Variants in RNF139 observed in about 807,000 individuals in gnomAD.
The protein encoded by RNF139 is ring finger protein 139, also known as E3 ubiquitin-protein ligase RNF139.
Under a neutral mutation model 49.5 loss-of-function variants are expected in RNF139, and 15 were observed. The ratio of observed to expected loss-of-function variants is 0.30; its 90% confidence interval spans 0.20 to 0.47. The LOEUF is 0.47. Among genes scored for constraint, RNF139 ranks in the 20% least tolerant of loss-of-function variants. RNF139 has a pLI of 1.00. For synonymous variants in RNF139, 325 were observed against 300.9 expected, an observed-to-expected ratio of 1.08 and a Z score of -0.83; for missense variants, 619 against 806.3, an observed-to-expected ratio of 0.77 and a Z score of 2.81.
intron 1 of RNF139, among the ~76,000 whole-genome samples, chr8:124,483,040 TTTAA>T (rs1202205266): frequency 1.5e-5 from 1 of 68,020 alleles, no homozygotes; most frequent in Non-Finnish European, 2.4e-5. Context: ...TATATATATA[TTTAA>T]AAATATATCT....
chr8:124,486,736 G>C lies in RNF139; in HGVS notation c.1087G>C (p.Val363Leu), dbSNP rs772677869. 3 of 1,613,956 alleles carry C rather than the reference G, an allele frequency of 1.9e-6. No homozygotes were observed. Residue 363 changes from valine to leucine, a missense_variant, in exon 2 of 2, where the codon GTC (valine) becomes CTC (leucine). Coordinates refer to ENST00000303545, the MANE Select transcript of RNF139 (RefSeq NM_007218.4). Reference protein sequence around the residue: ...SRNMCLLLTAVLHFIHGMTDP... With the variant: ...SRNMCLLLTALLHFIHGMTDP... ...AAACATGTGCCTTTTATTAACTGCA[G>C]TCCTGCATTTTATCCATGGAATGAC...
At position 124,487,627 on chromosome 8, in the gene RNF139, AATG is replaced by A. The variant is rs779733580; in HGVS notation, c.1984_1986del (p.Asp662del). The A allele has an allele frequency of 3.1e-6, 5 of 1,605,326 alleles. No individual in the cohort carries two copies. Among genetic ancestry groups the A allele is most frequent in the South Asian group, 1.1e-5 (1 of 89,780 alleles). On this transcript the variant is annotated inframe_deletion, in exon 2 of 2. Transcript: ENST00000303545. ...CACAGGCGCAGCAGCTGAAGAATTT[AATG>A]ATGATACTGACTGATGAAAATAGCA...
At chr8:124,484,586 G>A (rs981190035) in intron 1 of RNF139, among the ~76,000 whole-genome samples, 19 of 152,304 alleles carry the variant, frequency 1.2e-4, no homozygotes, top group African/African-American at 4.6e-4. Context: ...TTTAAGGCAA[G>A]TCGAGTTTCA....
chr8:124,478,147 A>AAAAAC (rs1318701542), intron 1 of RNF139, among the ~76,000 whole-genome samples: 4 of 151,608 alleles, frequency 2.6e-5, no homozygotes, highest in African/African-American at 9.7e-5. Flanking sequence ...GTCTAAAAAA[A>AAAAAC]AAAACAAAAC....
intron 1 of RNF139, among the ~76,000 whole-genome samples, chr8:124,476,426 T>C (rs1167597015): frequency 6.6e-6 from 1 of 152,232 alleles, no homozygotes; most frequent in Non-Finnish European, 1.5e-5. Context: ...AGTGTTTTGC[T>C]CTTGGTAGGC....
chr8:124,482,043 T>C (rs571284835), intron 1 of RNF139, among the ~76,000 whole-genome samples: 5 of 152,114 alleles, frequency 3.3e-5, no homozygotes, highest in African/African-American at 4.8e-5. Context: ...ATACTATTCT[T>C]GAAATGTTAA....
chr8:124,485,031 A>G (rs933148985), intron 1 of RNF139, among the ~76,000 whole-genome samples: 1 of 152,194 alleles, frequency 6.6e-6, no homozygotes, highest in Non-Finnish European at 1.5e-5. Context: ...GTGGAAGTAT[A>G]AAACTTGAAC....
At chr8:124,478,194 C>T (rs1049235536) in intron 1 of RNF139, among the ~76,000 whole-genome samples, 1 of 151,104 alleles carries the variant, frequency 6.6e-6, no homozygotes, top group African/African-American at 2.4e-5. Context: ...TAGGAAAATG[C>T]CTAAGACAAG....
chr8:124,478,915 G>A (rs1453761374), intron 1 of RNF139, among the ~76,000 whole-genome samples: 1 of 151,630 alleles, frequency 6.6e-6, no homozygotes, highest in Non-Finnish European at 1.5e-5. Flanking sequence ...AGTAGAGACA[G>A]GTTTTCTCCA....
At position 124,488,463 on chromosome 8, in the gene RNF139, G is replaced by C. The variant is rs1020064050; in HGVS notation, c.*819G>C. ...ATTTTACGAGAAAAAGAAGGGGAAT[G>C]GTGGGGAATGGTGTGTACCGATATA... is the stretch of plus-strand genomic sequence containing the variant. On this transcript the variant is annotated 3_prime_UTR_variant, in exon 2 of 2. Transcript: ENST00000303545. 2 of 490,730 alleles carry C rather than the reference G, an allele frequency of 4.1e-6. No homozygotes were observed. Among genetic ancestry groups the C allele is most frequent in the African/African-American group, 4.1e-5 (2 of 49,088 alleles). 30.4% of individuals were successfully genotyped at this position (490,730 alleles called of 1,614,324 possible).
chr8:124,475,137 C>T lies in RNF139; in HGVS notation c.28C>T (p.Gln10Ter), dbSNP rs1490741775. ...GGCGGCCGTGGGGCCCCCGCAGCAGCAGGTGCGGATGGCCCATCAGCAGGT... is the reference window on the plus strand; with the variant it reads ...GGCGGCCGTGGGGCCCCCGCAGCAGTAGGTGCGGATGGCCCATCAGCAGGT... MAAVGPPQQQVRMAHQQVWA... is the reference protein window; with the variant it reads MAAVGPPQQ Residue 10 changes from glutamine (Q) to a stop codon, truncating the protein, a stop_gained, in exon 1 of 2, where the codon CAG (glutamine) becomes TAG (stop). Coordinates refer to ENST00000303545, the MANE Select transcript of RNF139 (RefSeq NM_007218.4). LOFTEE classifies it high-confidence loss of function. 1 of 1,603,412 alleles carries T rather than the reference C, an allele frequency of 6.2e-7. No individual in the cohort carries two copies. The highest frequency in any genetic ancestry group is 8.5e-7 in the Non-Finnish European group (1 of 1,176,926).
chr8:124,488,431 T>C lies in RNF139; in HGVS notation c.*787T>C. The C allele has an allele frequency of 2.1e-6, 1 of 469,074 alleles. No homozygotes were observed. The highest frequency in any genetic ancestry group is 3.8e-6 in the Non-Finnish European group (1 of 261,280). The allele number at this position is 469,074 out of a possible 1,614,324, so 29.1% of individuals were successfully genotyped here. ...GATACTCAATGATATAAAAACATCCTGATCTGATTTTACGAGAAAAAGAAG... is the reference window on the plus strand; with the variant it reads ...GATACTCAATGATATAAAAACATCCCGATCTGATTTTACGAGAAAAAGAAG... On this transcript the variant is annotated 3_prime_UTR_variant, in exon 2 of 2. Transcript: ENST00000303545.
rs1264654404 is a variant in RNF139, at chr8:124,486,397, G to A, written c.748G>A (p.Ala250Thr). The change falls in exon 2 of 2, where the codon GCT becomes ACT. Residue 250 changes from alanine (A) to threonine (T), a missense_variant. By Grantham distance (58) the Ala-to-Thr change is moderately conservative. Coordinates refer to ENST00000303545, the MANE Select transcript of RNF139 (RefSeq NM_007218.4). ...TTGGCTAACAAGAGTTACAGCTCAG[G>A]CTACAGTGTTAATGTACATCTTAAG... is the stretch of plus-strand genomic sequence containing the variant. ...VFWLTRVTAQ[A>T]TVLMYILRMA... 4 of 1,614,024 alleles carry A rather than the reference G, an allele frequency of 2.5e-6. No individual in the cohort carries two copies. The highest frequency in any genetic ancestry group is 3.3e-5 in the Admixed American group (2 of 60,006).
At position 124,475,277 on chromosome 8, in the gene RNF139, C is replaced by A; in HGVS notation, c.168C>A (p.Phe56Leu). The A allele has an allele frequency of 6.2e-7, 1 of 1,613,136 alleles. No homozygotes were observed. The highest frequency in any genetic ancestry group is 1.1e-5 in the South Asian group (1 of 91,020). ...GGTTCTGCATCGTGCTCCAGATCTTCCTCCGGCTCTTTGGTAAGGGAACAG... is the reference window on the plus strand; with the variant it reads ...GGTTCTGCATCGTGCTCCAGATCTTACTCCGGCTCTTTGGTAAGGGAACAG... ...QSRFCIVLQI[F>L]LRLFGVFASS... is the part of the protein sequence containing the mutation. The change falls in exon 1 of 2, where the codon TTC (phenylalanine) becomes TTA (leucine). Residue 56 changes from phenylalanine to leucine, a missense_variant. Phe to Leu is a conservative substitution (Grantham distance 22). Transcript: ENST00000303545.
rs991796968 is a variant in RNF139 at position 124,488,483 on chromosome 8, G to A, written c.*839G>A. The A allele has an allele frequency of 1.3e-5, 8 of 617,220 alleles. No individual in the cohort carries two copies. Among genetic ancestry groups the A allele is most frequent in the African/African-American group, 1.1e-4 (6 of 53,336 alleles). The allele number at this position is 617,220 out of a possible 1,614,324, so 38.2% of individuals were successfully genotyped here. The stretch of plus-strand genomic sequence containing the variant: ...GGAATGGTGGGGAATGGTGTGTACC[G>A]ATATATAGTATTTCTTTAGACAACT... On this transcript the variant is annotated 3_prime_UTR_variant, in exon 2 of 2. Coordinates refer to ENST00000303545, the MANE Select transcript of RNF139 (RefSeq NM_007218.4).
rs1310138487 is a variant in RNF139, at chr8:124,475,169, G to C, written c.60G>C (p.Ala20=). The change falls in exon 1 of 2, where the codon GCG becomes GCC. Residue 20 remains alanine (A), a synonymous_variant. Transcript: ENST00000303545. The part of the protein sequence containing the change: ...QVRMAHQQVW[A]ALEVALRVPC... Reference sequence around the variant, plus strand: ...GGATGGCCCATCAGCAGGTCTGGGCGGCGCTCGAAGTGGCGCTCCGGGTGC... The same window carrying C: ...GGATGGCCCATCAGCAGGTCTGGGCCGCGCTCGAAGTGGCGCTCCGGGTGC... 6.2e-7 allele frequency: 1 copy of C among 1,613,258 alleles called. No individual in the cohort carries two copies. Among genetic ancestry groups the C allele is most frequent in the African/African-American group, 1.3e-5 (1 of 74,916 alleles).
rs372596259 is a variant in RNF139 at position 124,483,023 on chromosome 8, A to T, written c.182-2808A>T. 1.7e-3 allele frequency among the ~76,000 whole-genome samples: 73 copies of T among 43,366 alleles called. 2 individuals carry two copies. Among genetic ancestry groups the T allele is most frequent in the East Asian group, 7.5e-3 (9 of 1,200 alleles). The allele number at this position is 43,366 out of a possible 152,430, so 28.4% of individuals were successfully genotyped here. The stretch of plus-strand genomic sequence containing the variant: ...ATATATATTAAAAATATATATATAT[A>T]TTTAAATATATATATATTTAAAAAT... On this transcript the variant is annotated intron_variant, in intron 1 of 1. Transcript: ENST00000303545.
chr8:124,480,647 A>G (rs1170031219), intron 1 of RNF139, among the ~76,000 whole-genome samples: 1 of 152,178 alleles, frequency 6.6e-6, no homozygotes, highest in Non-Finnish European at 1.5e-5. Context: ...AGTTCATTAA[A>G]TAGGCAAGAT....
rs1335773009 is a variant in RNF139, at chr8:124,486,967, GT to G, written c.1321del (p.Tyr441IlefsTer5). The stretch of plus-strand genomic sequence containing the variant: ...CTTAAAAGTAATTGTTTCTCTCACT[GT>G]TTATACGTTATTCATGATTGATGGC... ...LCLKVIVSLT[V>X]YTLFMIDGYY... On this transcript the variant is annotated frameshift_variant, in exon 2 of 2. Coordinates refer to ENST00000303545, the MANE Select transcript of RNF139 (RefSeq NM_007218.4). LOFTEE classifies it high-confidence loss of function. 1 of 1,614,024 alleles carries G rather than the reference GT, an allele frequency of 6.2e-7. No individual in the cohort carries two copies.
Sources: gnomAD v4.1 joint callset for allele counts (sites outside exome capture counted in the v4.1 genomes callset) on GRCh38, gnomAD v4.1.1 for gene constraint, MANE v1.5 for transcripts, NCBI Gene and HGNC (gene_info 2026-07-23, HGNC 2026-07-21) for gene names.